The following MIR2052HG variants were observed in gnomAD, a reference collection of about 807,000 sequenced individuals.
The protein encoded by MIR2052HG is MIR2052 host gene.
chr8:74,613,377 A>G (rs1415541777), intron 2 of MIR2052HG, among the ~76,000 whole-genome samples: 1 of 152,170 alleles, frequency 6.6e-6, no homozygotes, highest in African/African-American at 2.4e-5. Context: ...GCAAAGAGAG[A>G]GTCCATGTGT....
At chr8:74,602,857 C>CTTTCT (rs1808034930) in intron 1 of MIR2052HG, among the ~76,000 whole-genome samples, 1 of 144,322 alleles carries the variant, frequency 6.9e-6, no homozygotes, top group African/African-American at 2.6e-5. Context: ...TTCTTTCTTT[C>CTTTCT]TTTCTTTCTT....
intron 2 of MIR2052HG, chr8:74,632,348 G>A (rs75393434): frequency 0.043 from 6,537 of 152,222 alleles, 228 homozygotes; most frequent in Non-Finnish European, 0.053. Context: ...GGCCACCAGA[G>A]CCTGCGTTTG....
chr8:74,665,737 G>C (rs993617077), intron 2 of MIR2052HG, among the ~76,000 whole-genome samples: 2 of 152,056 alleles, frequency 1.3e-5, no homozygotes, highest in African/African-American at 2.4e-5. Flanking sequence ...CGGTTTGGCT[G>C]TGTCCCCACT....
At position 74,711,324 on chromosome 8, in the gene MIR2052HG, G is replaced by A. The variant is rs374184063; in HGVS notation, n.371+7642G>A. 1.1e-3 allele frequency among the ~76,000 whole-genome samples: 164 copies of A among 152,162 alleles called. 6 individuals are homozygous for A. The South Asian group carries it at 0.033, about 30-fold the overall frequency. ...TGTACTGTATGCTCTAAGAATGAAG[G>A]GACACTATATTGTTTACTGTTCTAT... On this transcript the variant is annotated intron_variant and non_coding_transcript_variant, in intron 4 of 6. Coordinates refer to ENST00000523442, the Ensembl canonical transcript of MIR2052HG.
In MIR2052HG at chr8:74,608,204, C is replaced by CTTCTG. The variant is rs1390954721; in HGVS notation, n.129-4645_129-4644insGTTCT. 4.4e-3 allele frequency among the ~76,000 whole-genome samples: 677 copies of CTTCTG among 152,188 alleles called. 3 individuals carry two copies. The highest frequency in any genetic ancestry group is 0.016 in the African/African-American group (655 of 41,500). ...GGTGGGTGAGAGTTCTGCTCTAGAG[C>CTTCTG]TTCTAAGCACATAATTAGATGAACT... On this transcript the variant is annotated intron_variant and non_coding_transcript_variant, in intron 1 of 6. Coordinates refer to ENST00000523442, the Ensembl canonical transcript of MIR2052HG.
chr8:74,662,858 T>TTGTGTGTGTG lies in MIR2052HG; in HGVS notation n.217-39494_217-39485dup, dbSNP rs68089808. On this transcript the variant is annotated intron_variant and non_coding_transcript_variant, in intron 2 of 6. Coordinates refer to ENST00000523442, the Ensembl canonical transcript of MIR2052HG. Reference sequence around the variant, plus strand: ...CATTTTTCTCCTAGAAATGACTCATTTGTGTGTGTGTGTGTGTGTGTGTGT... The same window carrying TTGTGTGTGTG: ...CATTTTTCTCCTAGAAATGACTCATTTGTGTGTGTGTGTGTGTGTGTGTGTGTGTGTGTGT... Among the ~76,000 whole-genome samples the TTGTGTGTGTG allele has an allele frequency of 3.5e-3, 498 of 144,292 alleles. 4 individuals carry two copies. The highest frequency in any genetic ancestry group is 0.012 in the African/African-American group (459 of 39,378). 94.7% of individuals were successfully genotyped at this position (144,292 alleles called of 152,430 possible).
chr8:74,687,622 T>G (rs1809196169), intron 2 of MIR2052HG, among the ~76,000 whole-genome samples: 1 of 152,056 alleles, frequency 6.6e-6, no homozygotes, highest in South Asian at 2.1e-4. Flanking sequence ...ACATGAGATA[T>G]CTATAATAGT....
At chr8:74,756,547 A>T (rs1272895905) in intron 5 of MIR2052HG, 1 of 152,258 alleles carries the variant, frequency 6.6e-6, no homozygotes, top group African/African-American at 2.4e-5. Flanking sequence ...GGTATTTTTC[A>T]TCCCTACTTT....
rs1021804191 is a variant in MIR2052HG at position 74,734,742 on chromosome 8, G to A, written n.372-17699G>A. Among the ~76,000 whole-genome samples the A allele has an allele frequency of 1.9e-4, 29 of 152,366 alleles. 1 individual carries two copies. The highest frequency in any genetic ancestry group is 6.3e-4 in the African/African-American group (26 of 41,596). ...TGCAGAGCAGCCCTCGTTGTTGTGT[G>A]CCAGAAACAGGAGCCCCTGCTGACC... On this transcript the variant is annotated intron_variant and non_coding_transcript_variant, in intron 4 of 6. Transcript: ENST00000523442.
intron 4 of MIR2052HG, among the ~76,000 whole-genome samples, chr8:74,745,437 C>G (rs559819706): frequency 1.3e-5 from 2 of 152,214 alleles, no homozygotes; most frequent in Admixed American, 1.3e-4. Flanking sequence ...ATATTTAAAT[C>G]ATTATCACAT....
intron 2 of MIR2052HG, among the ~76,000 whole-genome samples, chr8:74,640,270 A>C (rs1320354588): frequency 6.6e-6 from 1 of 151,936 alleles, no homozygotes; most frequent in Admixed American, 6.6e-5. Context: ...GATTAAAACT[A>C]TCCTGGCCAA....
At chr8:74,705,373 G>A (rs940222796) in intron 4 of MIR2052HG, among the ~76,000 whole-genome samples, 1 of 151,770 alleles carries the variant, frequency 6.6e-6, no homozygotes, top group Non-Finnish European at 1.5e-5. Flanking sequence ...TTTCTCTTCA[G>A]CCTCTCTAAA....
chr8:74,636,288 A>G (rs1808580251), intron 2 of MIR2052HG, among the ~76,000 whole-genome samples: 3 of 152,080 alleles, frequency 2.0e-5, no homozygotes, highest in Non-Finnish European at 2.9e-5. Context: ...CCTTTAATGT[A>G]TTTATCACTG....
At chr8:74,613,502 C>T (rs898671812) in intron 2 of MIR2052HG, among the ~76,000 whole-genome samples, 28 of 151,782 alleles carry the variant, frequency 1.8e-4, no homozygotes, top group Non-Finnish European at 3.4e-4. Flanking sequence ...TTTTTTCACC[C>T]GAGACAGAGT....
chr8:74,604,382 C>T (rs528623559), intron 1 of MIR2052HG: 3 of 83,338 alleles, frequency 3.6e-5, no homozygotes, highest in Admixed American at 1.4e-4. Flanking sequence ...GGCGGGAGGC[C>T]GGGGGCGGAA....
chr8:74,700,351 C>T (rs576833862), intron 2 of MIR2052HG, among the ~76,000 whole-genome samples: 26 of 152,204 alleles, frequency 1.7e-4, no homozygotes, highest in African/African-American at 6.0e-4. Flanking sequence ...AAATCATCTA[C>T]GATGTGTGAA....
At chr8:74,705,631 T>C (rs1052337109) in intron 4 of MIR2052HG, 4 of 170,086 alleles carry the variant, frequency 2.4e-5, no homozygotes, top group Admixed American at 1.3e-4. Flanking sequence ...GATACGACCT[T>C]AGGCAGAAAG....
At chr8:74,675,899 G>A (rs1446423523) in intron 2 of MIR2052HG, among the ~76,000 whole-genome samples, 2 of 151,810 alleles carry the variant, frequency 1.3e-5, no homozygotes, top group African/African-American at 2.4e-5. Flanking sequence ...GTATCGGTCC[G>A]ATAAATCTCT....
At chr8:74,742,683 G>A (rs1205658860) in intron 4 of MIR2052HG, among the ~76,000 whole-genome samples, 1 of 152,058 alleles carries the variant, frequency 6.6e-6, no homozygotes, top group South Asian at 2.1e-4. Flanking sequence ...TGACATCATT[G>A]CATGCTTCCC....
Sources: gnomAD v4.1 joint callset for allele counts (sites outside exome capture counted in the v4.1 genomes callset) on GRCh38, gnomAD v4.1.1 for gene constraint, MANE v1.5 for transcripts, NCBI Gene and HGNC (gene_info 2026-07-23, HGNC 2026-07-21) for gene names.